TOGARAM1: variants seen among roughly 807,000 people sequenced by gnomAD.
TOGARAM1 encodes TOG array regulator of axonemal microtubules protein 1.
Under a neutral mutation model 166.6 loss-of-function variants are expected in TOGARAM1, and 100 were observed. The ratio of observed to expected loss-of-function variants is 0.60; its 90% confidence interval spans 0.51 to 0.71. The LOEUF (loss-of-function observed/expected upper bound fraction) is 0.71. Among genes scored for constraint, TOGARAM1 ranks in the 30% least tolerant of loss-of-function variants. The probability of loss-of-function intolerance (pLI) is 0.00; values close to 1 mark genes in which losing one functional copy is unlikely to be tolerated. For synonymous variants in TOGARAM1, 758 were observed against 763.8 expected, an observed-to-expected ratio of 0.99 and a Z score of 0.13; for missense variants, 2,029 against 2,102.7, an observed-to-expected ratio of 0.96 and a Z score of 0.69.
At chr14:45,069,378 T>TA (rs957050785) in intron 18 of TOGARAM1, among the ~76,000 whole-genome samples, 1 of 150,322 alleles carries the variant, frequency 6.7e-6, no homozygotes, top group Non-Finnish European at 1.5e-5. Flanking sequence ...CAAAAAATTT[T>TA]AAAAAATTAA....
chr14:45,039,432 T>A (rs10136008), intron 11 of TOGARAM1, among the ~76,000 whole-genome samples: 6,147 of 152,090 alleles, frequency 0.04, 430 homozygotes, highest in African/African-American at 0.14. Flanking sequence ...CTGCCCAGGA[T>A]CCTGTCTGCC....
intron 3 of TOGARAM1, among the ~76,000 whole-genome samples, chr14:45,002,042 T>C (rs1887711563): frequency 6.6e-6 from 1 of 152,222 alleles, no homozygotes; most frequent in Non-Finnish European, 1.5e-5. Flanking sequence ...AGGGATATAC[T>C]TATTTATTTA....
chr14:44,963,232 G>A lies in TOGARAM1; in HGVS notation c.811G>A (p.Glu271Lys), dbSNP rs1311994135. 6.2e-7 allele frequency: 1 copy of A among 1,614,092 alleles called. No individual in the cohort carries two copies. The highest frequency in any genetic ancestry group is 1.3e-5 in the African/African-American group (1 of 74,928). Residue 271 changes from glutamate to lysine, a missense_variant, in exon 1 of 20, where the codon GAA (glutamate) becomes AAA (lysine). By Grantham distance (56) the Glu-to-Lys change is moderately conservative. This residue lies in a region of TOGARAM1 where 1,453 missense variants were observed against 1,432.2 expected (regional missense o/e 1.01). Coordinates refer to ENST00000361462, the MANE Select transcript of TOGARAM1 (RefSeq NM_001308120.2). ...ARKLGDQETE[E>K]ESETAFSALQ... ...AAAGCTTGGTGATCAGGAGACAGAA[G>A]AAGAATCTGAGACAGCTTTCTCCGC...
intron 14 of TOGARAM1, among the ~76,000 whole-genome samples, chr14:45,047,903 A>G (rs1485711632): frequency 6.6e-6 from 1 of 151,876 alleles, no homozygotes; most frequent in Non-Finnish European, 1.5e-5. Flanking sequence ...TCAAAATATA[A>G]AAATTAGCCA....
intron 1 of TOGARAM1, among the ~76,000 whole-genome samples, chr14:44,974,894 T>C (rs1019864402): frequency 4.6e-5 from 7 of 152,018 alleles, no homozygotes; most frequent in Non-Finnish European, 1.0e-4. Context: ...CAGGTAGATG[T>C]GATATACTAA....
rs764593689 is a variant in TOGARAM1, at chr14:45,055,529, G to A, written c.4559+980G>A. On this transcript the variant is annotated intron_variant, in intron 16 of 19. Transcript: ENST00000361462. The stretch of plus-strand genomic sequence containing the variant: ...GCTTAAGGTTGCTTTGGCTGGCTGG[G>A]CGCCATGGCTCACACCTGTAATCCC... Among the ~76,000 whole-genome samples, 222 of 152,212 alleles carry A rather than the reference G, an allele frequency of 1.5e-3. 1 individual carries two copies. The highest frequency in any genetic ancestry group is 5.6e-3 in the Admixed American group (86 of 15,282).
chr14:44,977,138 C>T (rs1886238904), intron 1 of TOGARAM1, among the ~76,000 whole-genome samples: 1 of 151,696 alleles, frequency 6.6e-6, no homozygotes, highest in African/African-American at 2.4e-5. Context: ...TCTAACTCTT[C>T]ATATTCTGCT....
chr14:45,045,579 ATATATGTGTGTGTGTGTGTGTGTG>A (rs1342164283), intron 13 of TOGARAM1, among the ~76,000 whole-genome samples: 9 of 34,936 alleles, frequency 2.6e-4, no homozygotes, highest in African/African-American at 2.0e-3. Flanking sequence ...ATATATATAT[ATATATGTGTGTGTGTGTGTGTGTG>A]TGTGTGTGTG....
At chr14:44,968,058 C>A (rs1288021329) in intron 1 of TOGARAM1, among the ~76,000 whole-genome samples, 2 of 151,878 alleles carry the variant, frequency 1.3e-5, no homozygotes, top group African/African-American at 4.8e-5. Flanking sequence ...TTCTGAAATG[C>A]CAGCATAGAC....
chr14:45,058,204 CT>C (rs543775374), intron 16 of TOGARAM1, among the ~76,000 whole-genome samples: 2 of 149,260 alleles, frequency 1.3e-5, no homozygotes, highest in Non-Finnish European at 1.5e-5. Flanking sequence ...CCTTCTTTGT[CT>C]TTTTTTTTAC....
In TOGARAM1 at chr14:44,969,145, C is replaced by CCTTTCTTT. The variant is rs1555341650; in HGVS notation, c.2046+4687_2046+4694dup. On this transcript the variant is annotated intron_variant, in intron 1 of 19. Transcript: ENST00000361462. ...TCCTTCCTTCCTTCCTTCCTTCCTT[C>CCTTTCTTT]CTTTCTTTCTTTCTTTTCTTTCTTT... is the stretch of plus-strand genomic sequence containing the variant. Among the ~76,000 whole-genome samples the CCTTTCTTT allele has an allele frequency of 1.6e-3, 182 of 116,234 alleles. 2 individuals carry two copies. Among genetic ancestry groups the CCTTTCTTT allele is most frequent in the South Asian group, 8.0e-3 (30 of 3,770 alleles). The allele number at this position is 116,234 out of a possible 152,430, so 76.3% of individuals were successfully genotyped here.
In TOGARAM1 at chr14:44,962,850, G is replaced by A. The variant is rs1885255752; in HGVS notation, c.429G>A (p.Val143=). The change falls in exon 1 of 20, where the codon GTG becomes GTA. Residue 143 remains valine, a synonymous_variant. Transcript: ENST00000361462. ...CTTTGTATCGGGCACTGGGCCGAGT[G>A]CTTGTGGAAGGAGGTAGTGATGAGA... ...KEALYRALGR[V]LVEGGSDEKR... The A allele has an allele frequency of 6.2e-7, 1 of 1,613,376 alleles. No homozygotes were observed. Among genetic ancestry groups the A allele is most frequent in the Non-Finnish European group, 8.5e-7 (1 of 1,180,050 alleles).
At chr14:45,064,642 G>A (rs1015351800) in intron 16 of TOGARAM1, among the ~76,000 whole-genome samples, 6 of 151,960 alleles carry the variant, frequency 3.9e-5, no homozygotes, top group African/African-American at 1.5e-4. Context: ...CTGTCACTCA[G>A]CTAGTTTTTT....
Position 44,962,833 on chromosome 14 carries a change from C to T in TOGARAM1, c.412C>T (p.Arg138Trp). The T allele has an allele frequency of 1.2e-6, 2 of 1,613,110 alleles. No homozygotes were observed. Among genetic ancestry groups the T allele is most frequent in the Non-Finnish European group, 1.7e-6 (2 of 1,180,022 alleles). ...GFPRRKEALY[R>W]ALGRVLVEGG... Reference sequence around the variant, plus strand: ...CCCCCGACGCAAGGAAGCTTTGTATCGGGCACTGGGCCGAGTGCTTGTGGA... The same window carrying T: ...CCCCCGACGCAAGGAAGCTTTGTATTGGGCACTGGGCCGAGTGCTTGTGGA... The change falls in exon 1 of 20, where the codon CGG (arginine) becomes TGG (tryptophan). Residue 138 changes from arginine to tryptophan, a missense_variant. Arg to Trp is a moderately radical substitution (Grantham distance 101, BLOSUM62 -3). This residue lies in a region of TOGARAM1 where 1,453 missense variants were observed against 1,432.2 expected (regional missense o/e 1.01). Transcript: ENST00000361462.
intron 16 of TOGARAM1, among the ~76,000 whole-genome samples, chr14:45,055,271 C>A (rs1882574091): frequency 6.6e-6 from 1 of 152,136 alleles, no homozygotes; most frequent in Admixed American, 6.5e-5. Context: ...ATATGGCAAT[C>A]TAATTTTTTC....
intron 17 of TOGARAM1, 36 bp downstream of exon 17, chr14:45,066,803 T>A (rs1347909654): frequency 4.5e-6 from 7 of 1,564,094 alleles, no homozygotes; most frequent in South Asian, 2.3e-5. Flanking sequence ...AATGTGGGTA[T>A]GGTGGCTCAC....
In TOGARAM1 at chr14:44,991,095, A is replaced by C. The variant is rs559983506; in HGVS notation, c.2047-4651A>C. Among the ~76,000 whole-genome samples the C allele has an allele frequency of 1.9e-4, 29 of 150,564 alleles. No individual in the cohort carries two copies. The South Asian group carries it at 5.7e-3, about 29-fold the overall frequency. ...CACCTCAGCCTCCTAAGTTACTGGG[A>C]CTACCGGAATGCAACACCAGGCCTG... On this transcript the variant is annotated intron_variant, in intron 1 of 19. Coordinates refer to ENST00000361462, the MANE Select transcript of TOGARAM1 (RefSeq NM_001308120.2).
chr14:45,029,830 G>A (rs1423395414), intron 10 of TOGARAM1, among the ~76,000 whole-genome samples: 1 of 150,964 alleles, frequency 6.6e-6, no homozygotes, highest in African/African-American at 2.4e-5. Context: ...TTTTTTGTTG[G>A]TTTTTTTTTG....
intron 11 of TOGARAM1, 40 bp downstream of exon 11, chr14:45,032,416 A>C (rs1881215843): frequency 6.5e-7 from 1 of 1,533,622 alleles, no homozygotes; most frequent in Non-Finnish European, 8.8e-7. Flanking sequence ...AGCAGAGTTC[A>C]AAAGCTTTCT....
Sources: allele counts gnomAD v4.1 joint callset (sites outside exome capture counted in the v4.1 genomes callset), GRCh38; gene constraint gnomAD v4.1.1; regional missense constraint gnomAD v4.1.1; transcripts MANE v1.5; gene names NCBI Gene and HGNC (gene_info 2026-07-23, HGNC 2026-07-21).